DMD: variants seen among roughly 807,000 people sequenced by gnomAD.
The protein encoded by DMD is mutant dystrophin.
A neutral mutation model predicts 330.1 loss-of-function variants in DMD; 63 were observed. That is an observed-to-expected ratio of 0.19 (90% CI 0.16 to 0.24). The LOEUF is 0.24. Ranked by LOEUF, DMD falls within the 10% of genes least tolerant of loss-of-function variation. The pLI, the probability that DMD is intolerant of heterozygous loss-of-function variation, is 1.00. For synonymous variants in DMD, 1,223 were observed against 959.8 expected, an observed-to-expected ratio of 1.27 and a Z score of -5.07; for missense variants, 3,344 against 2,684.1, an observed-to-expected ratio of 1.25 and a Z score of -5.43.
At chrX:32,470,306 G>C (rs1042417800) in intron 22 of DMD, among the ~76,000 whole-genome samples, 1 of 110,586 alleles carries the variant, frequency 9.0e-6, no homozygotes, top group Admixed American at 9.7e-5. Flanking sequence ...GTTTGTGATT[G>C]TTTCCATCGA....
rs2052654521 is a variant in DMD, at chrX:32,573,451, G to C, written c.1812+79C>G. ...AAAAATAAACATTTAATATTCAATAGCATAGAAGAGACTAAATAATAGTGA... is the reference window on the plus strand; with the variant it reads ...AAAAATAAACATTTAATATTCAATACCATAGAAGAGACTAAATAATAGTGA... On this transcript the variant is annotated intron_variant, in intron 15 of 78. Coordinates refer to ENST00000357033, the MANE Select transcript of DMD (RefSeq NM_004006.3). 9.2e-6 allele frequency: 7 copies of C among 759,846 alleles called. No homozygotes were observed. The South Asian group carries it at 1.5e-4, about 17-fold the overall frequency. The allele number at this position is 759,846 out of a possible 1,213,427, so 62.6% of individuals were successfully genotyped here. A position where few individuals can be genotyped will look rare whatever the true frequency, so the allele number is the denominator to read the frequency against.
chrX:31,844,716 T>C (rs1204038442), intron 48 of DMD, among the ~76,000 whole-genome samples: 1 of 111,805 alleles, frequency 8.9e-6, no homozygotes. Flanking sequence ...CAGTGTTTTG[T>C]AGTTAGCCCT....
intron 2 of DMD, among the ~76,000 whole-genome samples, chrX:33,005,592 G>T (rs2093378193): frequency 9.9e-6 from 1 of 101,119 alleles, no homozygotes; most frequent in African/African-American, 3.5e-5. Flanking sequence ...AGAAATAATT[G>T]TATTTTATAA....
intron 44 of DMD, among the ~76,000 whole-genome samples, chrX:32,043,176 C>T (rs1020224445): frequency 1.8e-5 from 2 of 111,548 alleles, no homozygotes; most frequent in African/African-American, 6.5e-5. Context: ...CTACCATGTA[C>T]TCACAAAGAT....
At chrX:32,999,819 G>T (rs747684747) in intron 2 of DMD, among the ~76,000 whole-genome samples, 8 of 108,728 alleles carry the variant, frequency 7.4e-5, no homozygotes, top group Non-Finnish European at 1.3e-4. Context: ...AAAAAAAACC[G>T]AAAAAACAAG....
chrX:31,321,259 C>A (rs771452228), intron 62 of DMD, among the ~76,000 whole-genome samples: 1 of 111,001 alleles, frequency 9.0e-6, no homozygotes, highest in African/African-American at 3.3e-5. Context: ...TCTTAGATAT[C>A]ATCTAGTCCA....
chrX:32,127,570 G>A (rs1463834516), intron 44 of DMD, among the ~76,000 whole-genome samples: 2 of 111,054 alleles, frequency 1.8e-5, no homozygotes, highest in East Asian at 2.8e-4. Flanking sequence ...CAACCAAGTC[G>A]CCTCTGCACA....
rs72107707 is a variant in DMD, at chrX:31,543,148, ATTTATTT to A, written c.8218-35702_8218-35696del. Among the ~76,000 whole-genome samples the A allele has an allele frequency of 7.2e-3, 795 of 109,696 alleles. 2 individuals are homozygous for A. The highest frequency in any genetic ancestry group is 0.024 in the African/African-American group (733 of 30,213). Reference sequence around the variant, plus strand: ...CCCTTGCTGGCCTGTTTTTTTTTTAATTTATTTTTTATTTTTTATTTTTATTTTATTT... The same window carrying A: ...CCCTTGCTGGCCTGTTTTTTTTTTAATTTATTTTTTATTTTTATTTTATTT... On this transcript the variant is annotated intron_variant, in intron 55 of 78. Coordinates refer to ENST00000357033, the MANE Select transcript of DMD (RefSeq NM_004006.3).
chrX:33,328,856 G>A (rs1453214983), intron 1 of DMD, among the ~76,000 whole-genome samples: 1 of 111,084 alleles, frequency 9.0e-6, no homozygotes, highest in African/African-American at 3.3e-5. Context: ...TTCTTTAATG[G>A]TCTCCGGGTT....
chrX:31,296,483 A>T (rs1457938675), intron 62 of DMD, among the ~76,000 whole-genome samples: 1 of 111,951 alleles, frequency 8.9e-6, no homozygotes, highest in Non-Finnish European at 1.9e-5. Flanking sequence ...GGGAATCTGC[A>T]GTATGTAGAA....
intron 42 of DMD, among the ~76,000 whole-genome samples, chrX:32,292,045 C>T (rs921157363): frequency 9.0e-5 from 10 of 110,596 alleles, no homozygotes; most frequent in Admixed American, 6.8e-4. Flanking sequence ...TGGTTTATAG[C>T]CCAGAGCAAA....
At chrX:31,188,534 C>G (rs2042030690) in intron 67 of DMD, among the ~76,000 whole-genome samples, 1 of 112,011 alleles carries the variant, frequency 8.9e-6, no homozygotes, top group Non-Finnish European at 1.9e-5. Context: ...TCTCTAAACA[C>G]CAGTTTCAAG....
At chrX:32,912,045 G>GAGAGAA (rs1557136240) in intron 2 of DMD, among the ~76,000 whole-genome samples, 1 of 99,303 alleles carries the variant, frequency 1.0e-5, no homozygotes, top group African/African-American at 3.8e-5. Context: ...GAGAGAGAGA[G>GAGAGAA]AGAGAGAGAG....
chrX:33,166,777 A>AT (rs1321977720), intron 1 of DMD, among the ~76,000 whole-genome samples: 14 of 108,222 alleles, frequency 1.3e-4, no homozygotes, highest in East Asian at 5.7e-4. Flanking sequence ...ATATATATAT[A>AT]TATTTTTTTT....
At chrX:32,266,128 T>C (rs148135091) in intron 43 of DMD, among the ~76,000 whole-genome samples, 54 of 111,952 alleles carry the variant, frequency 4.8e-4, no homozygotes, top group African/African-American at 1.7e-3. Flanking sequence ...TTGGAGGTAA[T>C]TGAATTACAG....
intron 55 of DMD, among the ~76,000 whole-genome samples, chrX:31,544,398 A>C (rs1376869040): frequency 9.1e-6 from 1 of 110,490 alleles, no homozygotes; most frequent in South Asian, 3.9e-4. Flanking sequence ...ATTTGAGAAG[A>C]CAGCAGAAGC....
chrX:31,420,868 T>C (rs2063330200), intron 60 of DMD, among the ~76,000 whole-genome samples: 1 of 112,440 alleles, frequency 8.9e-6, no homozygotes, highest in African/African-American at 3.2e-5. Context: ...AAATGAGGCA[T>C]ACTCCCTAGC....
chrX:32,648,892 AG>A (rs2146893417), intron 9 of DMD, among the ~76,000 whole-genome samples: 1 of 111,814 alleles, frequency 8.9e-6, no homozygotes, highest in African/African-American at 3.2e-5. Context: ...GAGATTTTCT[AG>A]GAAAGTTGGT....
chrX:32,665,159 C>A (rs2061224125), intron 9 of DMD, among the ~76,000 whole-genome samples: 1 of 111,866 alleles, frequency 8.9e-6, no homozygotes, highest in African/African-American at 3.3e-5. Context: ...CATAACCCAA[C>A]CAACATATAT....
Sources: allele counts gnomAD v4.1 joint callset (sites outside exome capture counted in the v4.1 genomes callset), GRCh38; gene constraint gnomAD v4.1.1; transcripts MANE v1.5; gene names NCBI Gene and HGNC (gene_info 2026-07-23, HGNC 2026-07-21).